FAM13B: variants seen among roughly 807,000 people sequenced by gnomAD.
The protein encoded by FAM13B is protein FAM13B.
In FAM13B, 60 loss-of-function variants were observed where a neutral mutation model predicts 117.3. That is an observed-to-expected ratio of 0.51 (90% CI 0.42 to 0.63). FAM13B has a LOEUF of 0.63. FAM13B is among the 30% of genes least tolerant of loss of function. The pLI is 0.00. For missense variants in FAM13B, 972 were observed against 1,091.9 expected (o/e 0.89, Z 1.55); for synonymous variants, 332 against 356.1 (o/e 0.93, Z 0.76).
At chr5:138,050,749 G>A (rs181109790) in intron 1 of FAM13B, among the ~76,000 whole-genome samples, 1 of 152,258 alleles carries the variant, frequency 6.6e-6, no homozygotes, top group East Asian at 1.9e-4. Context: ...ACCATGAAGT[G>A]AAAGTTTTGC....
chr5:138,034,995 C>CTTGTTTTTTTTTTT (rs1790973698), upstream of FAM13B, among the ~76,000 whole-genome samples: 1 of 34,364 alleles, frequency 2.9e-5, no homozygotes, highest in Non-Finnish European at 4.9e-5. Context: ...ATTCCCTTGC[C>CTTGTTTTTTTTTTT]TTTTTTTTTT....
chr5:138,051,643 A>G (rs1791803813), intron 1 of FAM13B, among the ~76,000 whole-genome samples: 1 of 151,880 alleles, frequency 6.6e-6, no homozygotes, highest in Admixed American at 6.6e-5. Flanking sequence ...TTTCATCACA[A>G]AAGTAGCAAC....
chr5:138,013,032 C>T (rs1784428718), intron 4 of FAM13B, among the ~76,000 whole-genome samples: 2 of 151,308 alleles, frequency 1.3e-5, no homozygotes, highest in Admixed American at 1.3e-4. Flanking sequence ...CACGAAACCC[C>T]GTTCTACCAA....
At chr5:137,978,230 T>C (rs1264668108) in intron 10 of FAM13B, among the ~76,000 whole-genome samples, 2 of 152,134 alleles carry the variant, frequency 1.3e-5, no homozygotes, top group Admixed American at 6.5e-5. Flanking sequence ...TTTTTTCCGA[T>C]GAAGAAACCC....
chr5:137,953,409 T>A lies in FAM13B; in HGVS notation c.1775A>T (p.Tyr592Phe). 6.2e-7 allele frequency: 1 copy of A among 1,613,888 alleles called. No homozygotes were observed. Among genetic ancestry groups the A allele is most frequent in the Non-Finnish European group, 8.5e-7 (1 of 1,179,830 alleles). Residue 592 changes from tyrosine (Y) to phenylalanine (F), a missense_variant, in exon 16 of 24, where the codon TAT becomes TTT. Coordinates refer to ENST00000689681, the MANE Select transcript of FAM13B (RefSeq NM_001385994.1). ...KDEKREDRTP[Y>F]QLVKKLQKKI... Reference sequence around the variant, plus strand: ...CTTCTGAAGTTTCTTGACCAGCTGATAAGGTGTTCTGTCCTCTCTCTTTTC... The same window carrying A: ...CTTCTGAAGTTTCTTGACCAGCTGAAAAGGTGTTCTGTCCTCTCTCTTTTC...
chr5:137,952,494 A>C, intron 17 of FAM13B, 134 bp downstream of exon 17: 1 of 602,948 alleles, frequency 1.7e-6, no homozygotes, highest in Non-Finnish European at 2.8e-6. Context: ...AATAAAACAA[A>C]AAAAGGTAAC....
At chr5:138,034,995 CTTTTTTTTTTTTTTTTTTTT>C (rs557807234), upstream of FAM13B, among the ~76,000 whole-genome samples, 1 of 34,364 alleles carries the variant, frequency 2.9e-5, no homozygotes, top group Non-Finnish European at 4.9e-5. Flanking sequence ...ATTCCCTTGC[CTTTTTTTTTTTTTTTTTTTT>C]TTTTTTTTTT....
chr5:137,939,913 T>A lies in FAM13B; in HGVS notation c.*312A>T, dbSNP rs1761139262. ...AAAAAGCTTGCATTTCCAAAGTTCT[T>A]GAAGTTGAAAGGATAAAATTCCAGT... On this transcript the variant is annotated 3_prime_UTR_variant, in exon 24 of 24. Coordinates refer to ENST00000689681, the MANE Select transcript of FAM13B (RefSeq NM_001385994.1). The A allele has an allele frequency of 7.5e-7, 1 of 1,326,536 alleles. No individual in the cohort carries two copies. Among genetic ancestry groups the A allele is most frequent in the Non-Finnish European group, 9.6e-7 (1 of 1,037,622 alleles). The allele number at this position is 1,326,536 out of a possible 1,614,324, so 82.2% of individuals were successfully genotyped here. A position where few individuals can be genotyped will look rare whatever the true frequency, so the allele number is the denominator to read the frequency against.
intron 1 of FAM13B, among the ~76,000 whole-genome samples, chr5:138,044,332 A>G (rs546904066): frequency 6.6e-6 from 1 of 152,268 alleles, no homozygotes; most frequent in East Asian, 1.9e-4. Flanking sequence ...TGAGCGGATC[A>G]CCTGAGGTCA....
At chr5:137,941,602 C>A (rs544686998) in intron 23 of FAM13B, among the ~76,000 whole-genome samples, 1 of 152,334 alleles carries the variant, frequency 6.6e-6, no homozygotes, top group African/African-American at 2.4e-5. Flanking sequence ...GTTAAGGATA[C>A]CACTCCTGTC....
At chr5:138,025,288 CATATATAT>C (rs67314207) in intron 1 of FAM13B, among the ~76,000 whole-genome samples, 44 of 92,628 alleles carry the variant, frequency 4.8e-4, no homozygotes, top group East Asian at 1.5e-3. Context: ...CAAACAAAGC[CATATATAT>C]ATATATATAT....
At chr5:137,943,471 G>A (rs867772008) in intron 20 of FAM13B, among the ~76,000 whole-genome samples, 5 of 152,220 alleles carry the variant, frequency 3.3e-5, no homozygotes, top group Admixed American at 6.5e-5. Flanking sequence ...AATGGGCCAG[G>A]CACGGTGGCT....
chr5:137,966,301 G>A (rs1335996210), intron 10 of FAM13B, among the ~76,000 whole-genome samples: 2 of 151,508 alleles, frequency 1.3e-5, no homozygotes, highest in Non-Finnish European at 2.9e-5. Flanking sequence ...GCTGGGCGTG[G>A]TGGTACACGC....
intron 4 of FAM13B, among the ~76,000 whole-genome samples, chr5:138,012,869 T>G (rs1172054549): frequency 6.6e-6 from 1 of 152,010 alleles, no homozygotes; most frequent in African/African-American, 2.4e-5. Flanking sequence ...GTCTAAAAAG[T>G]TTATCAGGAA....
At chr5:137,989,725 G>A (rs1048433818) in intron 7 of FAM13B, among the ~76,000 whole-genome samples, 2 of 152,174 alleles carry the variant, frequency 1.3e-5, no homozygotes, top group African/African-American at 4.8e-5. Context: ...CTACTTAGGA[G>A]GCTGAGGCAG....
rs76104696 is a variant in FAM13B, at chr5:138,040,591, A to T, written c.-203+11287T>A. Among the ~76,000 whole-genome samples the T allele has an allele frequency of 2.0e-4, 31 of 152,144 alleles. No homozygotes were observed. The East Asian group carries it at 5.6e-3, about 28-fold the overall frequency. The stretch of plus-strand genomic sequence containing the variant: ...TCAAAAACAAAACAAACAAAAAAGA[A>T]GGAGATAATAGAATGGAGGGAAGAC... On this transcript the variant is annotated intron_variant, in intron 1 of 3. Transcript: ENST00000502471.
At position 137,946,253 on chromosome 5, in the gene FAM13B, T is replaced by C. The variant is rs765435782; in HGVS notation, c.2219A>G (p.Tyr740Cys). Residue 740 changes from tyrosine to cysteine, a missense_variant, in exon 19 of 24, where the codon TAC becomes TGC. Physicochemically the swap from Tyr to Cys is radical, Grantham distance 194 (BLOSUM62 -2). Transcript: ENST00000689681. ...CGGCCTTCCATGTTGACTTTCATAG[T>C]AAAGAAGACTTTTCTGAAGAGAAGC... ...EKASLQKSLL[Y>C]YESQHGRPVT... is the part of the protein sequence containing the mutation. 1.9e-6 allele frequency: 3 copies of C among 1,591,336 alleles called. No individual in the cohort carries two copies. Among genetic ancestry groups the C allele is most frequent in the Admixed American group, 1.9e-5 (1 of 53,642 alleles).
chr5:138,006,603 G>A (rs1483373926), intron 7 of FAM13B, among the ~76,000 whole-genome samples: 2 of 152,182 alleles, frequency 1.3e-5, no homozygotes, highest in African/African-American at 4.8e-5. Context: ...CTATCTTAAT[G>A]GATCAGAGTT....
Position 138,032,793 on chromosome 5 carries a change from C to A in FAM13B, c.-214G>T. 1 of 985,804 alleles carries A rather than the reference C, an allele frequency of 1.0e-6. No homozygotes were observed. The highest frequency in any genetic ancestry group is 1.2e-6 in the Non-Finnish European group (1 of 829,982). 61.1% of individuals were successfully genotyped at this position (985,804 alleles called of 1,614,324 possible). A position where few individuals can be genotyped will look rare whatever the true frequency, so the allele number is the denominator to read the frequency against. On this transcript the variant is annotated 5_prime_UTR_variant, in exon 1 of 24. Transcript: ENST00000689681. Reference sequence around the variant, plus strand: ...GCCCGTTTACCTACCGTTGGAACCGCGATGCCCCGTTCCCTGGCCGCGGCC... The same window carrying A: ...GCCCGTTTACCTACCGTTGGAACCGAGATGCCCCGTTCCCTGGCCGCGGCC...
Sources: allele counts gnomAD v4.1 joint callset (sites outside exome capture counted in the v4.1 genomes callset), GRCh38; gene constraint gnomAD v4.1.1; transcripts MANE v1.5; gene names NCBI Gene and HGNC (gene_info 2026-07-23, HGNC 2026-07-21).